QRICH2: variants seen among roughly 807,000 people sequenced by gnomAD.
QRICH2 encodes the protein glutamine rich 2.
QRICH2 carries 119 observed loss-of-function variants against 168.3 expected under a neutral mutation model. The ratio of observed to expected loss-of-function variants is 0.71; its 90% confidence interval spans 0.61 to 0.82. QRICH2 has a LOEUF of 0.82. Ranked by LOEUF, QRICH2 falls within the 40% of genes least tolerant of loss-of-function variation. The pLI is 0.00. For missense variants in QRICH2, 2,241 were observed against 2,491.6 expected, an observed-to-expected ratio of 0.90 and a Z score of 2.14; for synonymous variants, 894 against 951.2, an observed-to-expected ratio of 0.94 and a Z score of 1.11.
In QRICH2 at chr17:76,293,895, C is replaced by G. The variant is rs142101609; in HGVS notation, c.832G>C (p.Gly278Arg). 7 of 1,614,154 alleles carry G rather than the reference C, an allele frequency of 4.3e-6. No individual in the cohort carries two copies. The Admixed American group carries it at 1.0e-4, about 23-fold the overall frequency. Residue 278 changes from glycine to arginine, a missense_variant, in exon 4 of 19, where the codon GGT (glycine) becomes CGT (arginine). Physicochemically the swap from Gly to Arg is moderately radical, Grantham distance 125 (BLOSUM62 -2). Around this residue, in one of 3 missense-constraint regions of QRICH2, gnomAD observed 2,047 missense variants for 2,303.8 expected, o/e 0.89. Coordinates refer to ENST00000680821, the MANE Select transcript of QRICH2 (RefSeq NM_001388453.1). ...GATGCAGTCCGATCCGGGCCAAGAC[C>G]ACTGGCAGAATCCAGAGCCTGCTCA... ...SIEQALDSAS[G>R]LGPDRTASGS...
intron 3 of QRICH2, among the ~76,000 whole-genome samples, chr17:76,302,828 CT>C: frequency 6.6e-6 from 1 of 152,008 alleles, no homozygotes; most frequent in Non-Finnish European, 1.5e-5. Context: ...ATACTGTCCC[CT>C]TTTTCCTCCC....
In QRICH2 at chr17:76,292,054, C is replaced by G. The variant is rs2071004368; in HGVS notation, c.2673G>C (p.Leu891Phe). The change falls in exon 4 of 19, where the codon TTG becomes TTC. Residue 891 changes from leucine (L) to phenylalanine (F), a missense_variant. Physicochemically the swap from Leu to Phe is conservative, Grantham distance 22. This residue lies in a region of QRICH2 where 2,047 missense variants were observed against 2,303.8 expected (regional missense o/e 0.89). Coordinates refer to ENST00000680821, the MANE Select transcript of QRICH2 (RefSeq NM_001388453.1). ...CAGGCTGATCTGCACCAGGTTGGAT[C>G]AAACCACGCTGGTCCATTCCAGGTT... is the stretch of plus-strand genomic sequence containing the variant. ...LVQPGMDQRGLIQPGADQPGL... is the reference protein window; with the variant it reads ...LVQPGMDQRGFIQPGADQPGL... 1 of 1,614,200 alleles carries G rather than the reference C, an allele frequency of 6.2e-7. No homozygotes were observed. The highest frequency in any genetic ancestry group is 8.5e-7 in the Non-Finnish European group (1 of 1,180,036).
rs139933188 is a variant in QRICH2 at position 76,301,872 on chromosome 17, TTGTGTGTGTGTGTG to T, written c.705+2529_705+2542del. On this transcript the variant is annotated intron_variant, in intron 3 of 18. Transcript: ENST00000680821. ...CTCCTGCCACCACACCTGGCTAATT[TTGTGTGTGTGTGTG>T]TGTGTGTGTGTGTGTGTGTGTGTGT... 2.5e-3 allele frequency among the ~76,000 whole-genome samples: 346 copies of T among 136,260 alleles called. 1 individual carries two copies. The highest frequency in any genetic ancestry group is 8.1e-3 in the African/African-American group (304 of 37,398). The allele number at this position is 136,260 out of a possible 152,430, so 89.4% of individuals were successfully genotyped here. A position where few individuals can be genotyped will look rare whatever the true frequency, so the allele number is the denominator to read the frequency against.
chr17:76,296,408 T>C (rs2070793517), intron 3 of QRICH2, among the ~76,000 whole-genome samples: 1 of 151,716 alleles, frequency 6.6e-6, no homozygotes, highest in South Asian at 2.1e-4. Context: ...TGAGGTGGAG[T>C]CTGGCAGACT....
chr17:76,308,033 G>A lies in QRICH2; in HGVS notation c.-35C>T, dbSNP rs945638290. 6.5e-6 allele frequency: 8 copies of A among 1,231,480 alleles called. No individual in the cohort carries two copies. Among genetic ancestry groups the A allele is most frequent in the South Asian group, 8.2e-5 (2 of 24,386 alleles). The allele number at this position is 1,231,480 out of a possible 1,614,324, so 76.3% of individuals were successfully genotyped here. A position where few individuals can be genotyped will look rare whatever the true frequency, so the allele number is the denominator to read the frequency against. On this transcript the variant is annotated 5_prime_UTR_variant, in exon 1 of 19. Coordinates refer to ENST00000680821, the MANE Select transcript of QRICH2 (RefSeq NM_001388453.1). Reference sequence around the variant, plus strand: ...CAGGAGCTGTGCGCCGCCGCGGGGCGCCGGCCAACCACTTCCCGCTCACTG... The same window carrying A: ...CAGGAGCTGTGCGCCGCCGCGGGGCACCGGCCAACCACTTCCCGCTCACTG...
chr17:76,274,221 C>G lies in QRICH2; in HGVS notation c.5522G>C (p.Gly1841Ala). The G allele has an allele frequency of 6.3e-7, 1 of 1,597,836 alleles. No homozygotes were observed. The highest frequency in any genetic ancestry group is 8.5e-7 in the Non-Finnish European group (1 of 1,174,508). The stretch of plus-strand genomic sequence containing the variant: ...GGCTGTGTTCGGCTGGGAGAGACGG[C>G]CCTCGGAGGAAGGTCTATCTTTCTG... ...RQQKDRPSSEGRLSQPNTAHP... is the reference protein window; with the variant it reads ...RQQKDRPSSEARLSQPNTAHP... Residue 1841 changes from glycine (G) to alanine (A), a missense_variant, in exon 19 of 19, where the codon GGC (glycine) becomes GCC (alanine). Gly to Ala is a moderately conservative substitution (Grantham distance 60). This residue lies in a region of QRICH2 where 189 missense variants were observed against 169.3 expected (regional missense o/e 1.12). Coordinates refer to ENST00000680821, the MANE Select transcript of QRICH2 (RefSeq NM_001388453.1).
At chr17:76,290,918 T>A in intron 4 of QRICH2, 97 bp downstream of exon 4, 2 of 1,519,894 alleles carry the variant, frequency 1.3e-6, no homozygotes, top group Non-Finnish European at 1.8e-6. Flanking sequence ...CTCAGGGAGA[T>A]GTGTAGCAGC....
intron 7 of QRICH2, among the ~76,000 whole-genome samples, chr17:76,284,168 CAAAAAAAAAAAAAAA>C (rs61553346): frequency 3.2e-5 from 2 of 62,760 alleles, no homozygotes; most frequent in South Asian, 4.0e-4. Flanking sequence ...ACTCTGTCTC[CAAAAAAAAAAAAAAA>C]AAAAAAAAAA....
intron 15 of QRICH2, among the ~76,000 whole-genome samples, chr17:76,277,591 CACAT>C (rs1428111812): frequency 1.3e-5 from 2 of 152,044 alleles, no homozygotes; most frequent in African/African-American, 2.4e-5. Flanking sequence ...CATGCACACA[CACAT>C]ACTTATGCAC....
At position 76,279,090 on chromosome 17, in the gene QRICH2, G is replaced by A. The variant is rs781072519; in HGVS notation, c.4867C>T (p.Arg1623Cys). ...TCCAGTTCAAACACCGTGTAGGGGC[G>A]GATGGAATGGTGCCCAGGTAGGCCT... is the stretch of plus-strand genomic sequence containing the variant. ...GPGLPGHHSIRPYTVFELEQV... is the reference protein window; with the variant it reads ...GPGLPGHHSICPYTVFELEQV... Residue 1623 changes from arginine to cysteine, a missense_variant, in exon 14 of 19, where the codon CGC (arginine) becomes TGC (cysteine). Around this residue, in one of 3 missense-constraint regions of QRICH2, gnomAD observed 2,047 missense variants for 2,303.8 expected, o/e 0.89. Transcript: ENST00000680821. 105 of 1,613,760 alleles carry A rather than the reference G, an allele frequency of 6.5e-5. No homozygotes were observed. The highest frequency in any genetic ancestry group is 8.2e-5 in the Non-Finnish European group (97 of 1,179,986).
At chr17:76,309,553 G>GC (rs2071046647), upstream of QRICH2, 1 of 152,148 alleles carries the variant, frequency 6.6e-6, no homozygotes, top group Non-Finnish European at 1.5e-5. Flanking sequence ...TACTTAAAGA[G>GC]AACCTATGAA....
chr17:76,277,458 G>A, intron 15 of QRICH2, 148 bp from the exon 16 acceptor site: 1 of 942,806 alleles, frequency 1.1e-6, no homozygotes, highest in Non-Finnish European at 1.6e-6. Context: ...CCCAGAACAG[G>A]CGGGCGGGGG....
Position 76,281,040 on chromosome 17 carries a change from T to C in QRICH2, c.4264-87A>G. 6.6e-7 allele frequency: 1 copy of C among 1,526,694 alleles called. No individual in the cohort carries two copies. The highest frequency in any genetic ancestry group is 8.8e-7 in the Non-Finnish European group (1 of 1,140,422). The allele number at this position is 1,526,694 out of a possible 1,614,324, so 94.6% of individuals were successfully genotyped here. A position where few individuals can be genotyped will look rare whatever the true frequency, so the allele number is the denominator to read the frequency against. ...CATAATATTGCTGCCCCAGGTAAGT[T>C]GGCCCTTAAAACATCTGCAAGGCTG... On this transcript the variant is annotated intron_variant, in intron 8 of 18. Coordinates refer to ENST00000680821, the MANE Select transcript of QRICH2 (RefSeq NM_001388453.1). This position sits in a 1 kb window ranked among gnomAD's most constrained non-coding sequence, Gnocchi z 4.4.
chr17:76,295,115 T>C (rs1598497142), intron 3 of QRICH2, among the ~76,000 whole-genome samples: 1 of 140,606 alleles, frequency 7.1e-6, no homozygotes, highest in East Asian at 2.3e-4. Context: ...TAAAATTAGC[T>C]GGGTGTGGTG....
chr17:76,295,030 G>C (rs2070773715), intron 3 of QRICH2, among the ~76,000 whole-genome samples: 1 of 150,952 alleles, frequency 6.6e-6, no homozygotes, highest in Non-Finnish European at 1.5e-5. Flanking sequence ...AAGAGATTGA[G>C]ACCATCCTGG....
In QRICH2 at chr17:76,287,348, C is replaced by A. The variant is rs148993099; in HGVS notation, c.3897-42G>T. 12,277 of 1,458,400 alleles carry A rather than the reference C, an allele frequency of 8.4e-3. 73 individuals are homozygous for A. The highest frequency in any genetic ancestry group is 0.011 in the Non-Finnish European group (11,127 of 1,041,428). 90.3% of individuals were successfully genotyped at this position (1,458,400 alleles called of 1,614,324 possible). A position where few individuals can be genotyped will look rare whatever the true frequency, so the allele number is the denominator to read the frequency against. ...GAGACTGCCAGACTCCACACTCAGG[C>A]CAGACCCATGCAGAGCCTGGGCCAT... On this transcript the variant is annotated intron_variant, in intron 6 of 18. Transcript: ENST00000680821.
At chr17:76,275,347 C>T (rs977077633) in intron 18 of QRICH2, among the ~76,000 whole-genome samples, 1 of 152,148 alleles carries the variant, frequency 6.6e-6, no homozygotes, top group African/African-American at 2.4e-5. Flanking sequence ...GGCCTTGTTA[C>T]CAAACCCTCC....
At position 76,279,093 on chromosome 17, in the gene QRICH2, T is replaced by G; in HGVS notation, c.4864A>C (p.Ile1622Leu). 1 of 1,613,510 alleles carries G rather than the reference T, an allele frequency of 6.2e-7. No individual in the cohort carries two copies. Among genetic ancestry groups the G allele is most frequent in the Admixed American group, 1.7e-5 (1 of 59,982 alleles). The change falls in exon 14 of 19, where the codon ATC becomes CTC. Residue 1622 changes from isoleucine to leucine, a missense_variant. Transcript: ENST00000680821. ...AGPGLPGHHS[I>L]RPYTVFELEQ... ...AGTTCAAACACCGTGTAGGGGCGGA[T>G]GGAATGGTGCCCAGGTAGGCCTGGA...
At chr17:76,284,944 AC>A (rs2070854902) in intron 7 of QRICH2, among the ~76,000 whole-genome samples, 1 of 151,392 alleles carries the variant, frequency 6.6e-6, no homozygotes, top group South Asian at 2.1e-4. Context: ...CCTCACACCC[AC>A]TAAAGTGGCT....
Sources: allele counts gnomAD v4.1 joint callset (sites outside exome capture counted in the v4.1 genomes callset), GRCh38; gene constraint gnomAD v4.1.1; regional missense constraint gnomAD v4.1.1; non-coding constraint Gnocchi (gnomAD v3.1); transcripts MANE v1.5; gene names NCBI Gene and HGNC (gene_info 2026-07-23, HGNC 2026-07-21).